ANAPC7: variants seen among roughly 807,000 people sequenced by gnomAD.
The protein encoded by ANAPC7 is anaphase-promoting complex subunit 7.
A neutral mutation model predicts 63.3 loss-of-function variants in ANAPC7; 25 were observed. The observed-to-expected ratio is 0.39, with a 90% confidence interval of 0.29 to 0.55. ANAPC7 has a LOEUF of 0.55. ANAPC7 is among the 20% of genes least tolerant of loss of function. The probability of loss-of-function intolerance (pLI) is 0.57; values close to 1 mark genes in which losing one functional copy is unlikely to be tolerated. For missense variants in ANAPC7, 516 were observed against 691.7 expected, an observed-to-expected ratio of 0.75 and a Z score of 2.85; for synonymous variants, 241 against 251.7, an observed-to-expected ratio of 0.96 and a Z score of 0.40.
chr12:110,399,923 G>A (rs980905105), intron 1 of ANAPC7, among the ~76,000 whole-genome samples: 1 of 151,866 alleles, frequency 6.6e-6, no homozygotes, highest in Non-Finnish European at 1.5e-5. Context: ...TTGAAACCTC[G>A]TCTCTACTAA....
At position 110,374,321 on chromosome 12, in the gene ANAPC7, A is replaced by G. The variant is rs756564830; in HGVS notation, c.1521T>C (p.Asn507=). ...QYSIALSLDP[N]DQKSLEGMQK... Reference sequence around the variant, plus strand: ...GCATCCCCTCTAGAGACTTCTGGTCATTGGGGTCCAAACTAGGGGACAACA... The same window carrying G: ...GCATCCCCTCTAGAGACTTCTGGTCGTTGGGGTCCAAACTAGGGGACAACA... The change falls in exon 11 of 11, where the codon AAT becomes AAC. Residue 507 remains asparagine, a synonymous_variant. Coordinates refer to ENST00000455511, the MANE Select transcript of ANAPC7 (RefSeq NM_016238.3). 1 of 1,613,930 alleles carries G rather than the reference A, an allele frequency of 6.2e-7. No homozygotes were observed. The highest frequency in any genetic ancestry group is 8.5e-7 in the Non-Finnish European group (1 of 1,179,936).
intron 8 of ANAPC7, chr12:110,378,864 T>C (rs1429794561): frequency 6.6e-6 from 1 of 151,778 alleles, no homozygotes; most frequent in Non-Finnish European, 1.5e-5. Context: ...TAACTATTTT[T>C]TTTTTTTTTT....
At chr12:110,386,234 C>G in intron 6 of ANAPC7, 93 bp downstream of exon 6, 1 of 1,538,486 alleles carries the variant, frequency 6.5e-7, no homozygotes, top group African/African-American at 1.4e-5. Flanking sequence ...TTCTATGAAA[C>G]TTGGTATCGA....
chr12:110,396,244 T>G (rs755158061), intron 2 of ANAPC7, 22 bp downstream of exon 2: 1 of 1,373,142 alleles, frequency 7.3e-7, no homozygotes, highest in Non-Finnish European at 1.0e-6. Context: ...AAAAAAAAAA[T>G]CACAATTCTA....
chr12:110,373,072 C>T lies in ANAPC7; in HGVS notation c.*1072G>A, dbSNP rs1222531510. On this transcript the variant is annotated 3_prime_UTR_variant, in exon 11 of 11. Transcript: ENST00000455511. ...GATTAGCTGTGACACCCACCCCTCA[C>T]CTCCGATTAATTGTATACTCAGAGC... 1.3e-5 allele frequency: 2 copies of T among 152,132 alleles called. No homozygotes were observed. Among genetic ancestry groups the T allele is most frequent in the African/African-American group, 4.8e-5 (2 of 41,418 alleles). The allele number at this position is 152,132 out of a possible 1,614,324, so 9.4% of individuals were successfully genotyped here. A position where few individuals can be genotyped will look rare whatever the true frequency, so the allele number is the denominator to read the frequency against.
intron 3 of ANAPC7, among the ~76,000 whole-genome samples, chr12:110,393,688 A>G (rs1347129655): frequency 6.6e-6 from 1 of 151,772 alleles, no homozygotes; most frequent in Non-Finnish European, 1.5e-5. Flanking sequence ...ACCAACATGG[A>G]GAAACCCAGT....
chr12:110,398,639 A>G (rs1425712929), intron 1 of ANAPC7, among the ~76,000 whole-genome samples: 1 of 152,202 alleles, frequency 6.6e-6, no homozygotes, highest in Non-Finnish European at 1.5e-5. Flanking sequence ...GAAGAAGTTT[A>G]CTGTTTTTCT....
intron 3 of ANAPC7, among the ~76,000 whole-genome samples, chr12:110,389,743 A>G (rs1406563003): frequency 1.3e-5 from 2 of 152,092 alleles, no homozygotes; most frequent in East Asian, 3.9e-4. Context: ...CATCCCGGCT[A>G]ACACAGTGAA....
At chr12:110,382,297 A>G (rs1411339469) in intron 7 of ANAPC7, among the ~76,000 whole-genome samples, 1 of 151,216 alleles carries the variant, frequency 6.6e-6, no homozygotes, top group Non-Finnish European at 1.5e-5. Context: ...TACTAAGCAC[A>G]ATGCATTCAC....
At chr12:110,382,695 A>G (rs1017063372) in intron 7 of ANAPC7, 148 bp downstream of exon 7, 37 of 609,312 alleles carry the variant, frequency 6.1e-5, no homozygotes, top group East Asian at 5.8e-5. Flanking sequence ...TCAGTCTCCC[A>G]AAGTGTTGAG....
In ANAPC7 at chr12:110,381,952, G is replaced by GGAA; in HGVS notation, c.936-5_936-4insTTC. The GGAA allele has an allele frequency of 1.8e-6, 1 of 553,012 alleles. No individual in the cohort carries two copies. Among genetic ancestry groups the GGAA allele is most frequent in the East Asian group, 9.9e-5 (1 of 10,098 alleles). The allele number at this position is 553,012 out of a possible 1,614,324, so 34.3% of individuals were successfully genotyped here. On this transcript the variant is annotated splice_polypyrimidine_tract_variant and splice_region_variant and intron_variant, in intron 7 of 10. Transcript: ENST00000455511. ...TTTGCTATAGAAGCTGTGACAGCTG[G>GGAA]AGAAAAAAAAAAAAAAAAAAACACA...
chr12:110,392,169 T>TGTGCAACAAGATTATTCTTGGAGTA (rs1883159019), intron 3 of ANAPC7, among the ~76,000 whole-genome samples: 3 of 151,438 alleles, frequency 2.0e-5, no homozygotes, highest in Non-Finnish European at 4.4e-5. Context: ...ATTCTTCATC[T>TGTGCAACAAGATTATTCTTGGAGTA]GTGCAACAAG....
chr12:110,382,458 AAAAATATATAT>A (rs1187113208), intron 7 of ANAPC7, among the ~76,000 whole-genome samples: 95 of 80,442 alleles, frequency 1.2e-3, no homozygotes, highest in Middle Eastern at 7.5e-3. Flanking sequence ...AAAAAAAAAA[AAAAATATATAT>A]ATATATATAT....
chr12:110,386,496 C>T (rs773596521), intron 5 of ANAPC7, 27 bp from the exon 6 acceptor site: 1 of 1,575,620 alleles, frequency 6.3e-7, no homozygotes, highest in South Asian at 1.1e-5. Flanking sequence ...AAACATTGAA[C>T]CTTTAAATCT....
In ANAPC7 at chr12:110,383,100, C is replaced by T. The variant is rs1248548703; in HGVS notation, c.818-140G>A. The T allele has an allele frequency of 6.7e-6, 4 of 593,798 alleles. No individual in the cohort carries two copies. In the East Asian group the frequency reaches 1.1e-4, roughly 16 times the overall value. The allele number at this position is 593,798 out of a possible 1,614,324, so 36.8% of individuals were successfully genotyped here. On this transcript the variant is annotated intron_variant, in intron 6 of 10. Transcript: ENST00000455511. ...GCTAAGCCCTTTCCACCATCACAGGCTCCTCCAACTACTATTTCCAGTTTC... is the reference window on the plus strand; with the variant it reads ...GCTAAGCCCTTTCCACCATCACAGGTTCCTCCAACTACTATTTCCAGTTTC...
chr12:110,375,654 T>C lies in ANAPC7; in HGVS notation c.1508+412A>G. 3 of 873,730 alleles carry C rather than the reference T, an allele frequency of 3.4e-6. No individual in the cohort carries two copies. In the South Asian group the frequency reaches 1.6e-4, roughly 46 times the overall value. The allele number at this position is 873,730 out of a possible 1,614,324, so 54.1% of individuals were successfully genotyped here. On this transcript the variant is annotated intron_variant, in intron 10 of 10. Coordinates refer to ENST00000455511, the MANE Select transcript of ANAPC7 (RefSeq NM_016238.3). ...CCAAGATCACAGGTGGTGAAGGTAG[T>C]ATTCAAAACTTCAGACCTCAAGTTC...
intron 3 of ANAPC7, among the ~76,000 whole-genome samples, chr12:110,391,794 A>C (rs1451143445): frequency 6.6e-6 from 1 of 152,222 alleles, no homozygotes; most frequent in Non-Finnish European, 1.5e-5. Flanking sequence ...TTCAAAGTTT[A>C]TAATTAAAAT....
intron 8 of ANAPC7, 121 bp downstream of exon 8, chr12:110,381,631 G>A (rs1313933243): frequency 9.8e-6 from 10 of 1,021,564 alleles, no homozygotes; most frequent in African/African-American, 4.9e-5. Context: ...CACCACGTCC[G>A]GCCAGCTTCC....
At chr12:110,397,741 C>T (rs1055175119) in intron 1 of ANAPC7, among the ~76,000 whole-genome samples, 3 of 151,644 alleles carry the variant, frequency 2.0e-5, no homozygotes, top group African/African-American at 7.3e-5. Flanking sequence ...ACTAAAAATA[C>T]AAAATTAGAC....
Sources: gnomAD v4.1 joint callset for allele counts (sites outside exome capture counted in the v4.1 genomes callset) on GRCh38, gnomAD v4.1.1 for gene constraint, MANE v1.5 for transcripts, NCBI Gene and HGNC (gene_info 2026-07-23, HGNC 2026-07-21) for gene names.